The following OSBPL2 variants were observed in gnomAD, a reference collection of about 807,000 sequenced individuals.
The protein encoded by OSBPL2 is oxysterol binding protein like 2, also known as oxysterol-binding protein-related protein 2.
Under a neutral mutation model 58.4 loss-of-function variants are expected in OSBPL2, and 18 were observed. That is an observed-to-expected ratio of 0.31 (90% CI 0.21 to 0.46). The LOEUF (loss-of-function observed/expected upper bound fraction) is 0.46, where lower values mean the gene tolerates loss of function less well. Among genes scored for constraint, OSBPL2 ranks in the 20% least tolerant of loss-of-function variants. The pLI, the probability that OSBPL2 is intolerant of heterozygous loss-of-function variation, is 1.00. For synonymous variants in OSBPL2, 221 were observed against 234.1 expected, an observed-to-expected ratio of 0.94 and a Z score of 0.51; for missense variants, 461 against 616.5, an observed-to-expected ratio of 0.75 and a Z score of 2.67.
intron 2 of OSBPL2, chr20:62,258,967 G>A (rs1981116777): frequency 6.6e-6 from 1 of 152,212 alleles, no homozygotes; most frequent in African/African-American, 2.4e-5. Flanking sequence ...TGCCTTTATG[G>A]ATGGACTCTG....
chr20:62,273,608 T>G lies in OSBPL2; in HGVS notation c.491+202T>G, dbSNP rs561477260. Among the ~76,000 whole-genome samples, 12 of 152,222 alleles carry G rather than the reference T, an allele frequency of 7.9e-5. No homozygotes were observed. The South Asian group carries it at 2.5e-3, about 32-fold the overall frequency. ...GTGCTAGCGTGCCACGGCGTCTGAG[T>G]GAGTGTAAAGCGCTGGCAATGAGAT... is the stretch of plus-strand genomic sequence containing the variant. On this transcript the variant is annotated intron_variant, in intron 6 of 13. Coordinates refer to ENST00000313733, the MANE Select transcript of OSBPL2 (RefSeq NM_144498.4).
intron 6 of OSBPL2, among the ~76,000 whole-genome samples, chr20:62,273,868 G>A (rs1484484106): frequency 6.6e-6 from 1 of 152,212 alleles, no homozygotes; most frequent in African/African-American, 2.4e-5. Context: ...CCAAGGCCAC[G>A]TTTGCCACCA....
intron 4 of OSBPL2, among the ~76,000 whole-genome samples, 160 bp from the exon 5 acceptor site, chr20:62,271,965 G>A (rs1195310858): frequency 6.6e-6 from 1 of 152,200 alleles, no homozygotes; most frequent in African/African-American, 2.4e-5. Context: ...ACAGGGCAGG[G>A]CCGATGGGGC....
intron 6 of OSBPL2, among the ~76,000 whole-genome samples, chr20:62,273,797 A>C (rs1399482751): frequency 1.3e-5 from 2 of 152,210 alleles, no homozygotes; most frequent in Admixed American, 6.5e-5. Context: ...CATTTAGTGA[A>C]CGCTATTGAA....
chr20:62,261,484 T>C (rs1981303813), intron 3 of OSBPL2, among the ~76,000 whole-genome samples: 1 of 152,170 alleles, frequency 6.6e-6, no homozygotes, highest in African/African-American at 2.4e-5. Context: ...CTTCGAGCTG[T>C]AGGCCCACAC....
intron 2 of OSBPL2, among the ~76,000 whole-genome samples, chr20:62,258,688 A>C (rs188178501): frequency 6.6e-6 from 1 of 152,040 alleles, no homozygotes; most frequent in Non-Finnish European, 1.5e-5. Flanking sequence ...TTATTAGGCC[A>C]TCCATGTAGT....
In OSBPL2 at chr20:62,295,925, C is replaced by T. The variant is rs1241531682; in HGVS notation, c.*2038C>T. 1.3e-5 allele frequency: 2 copies of T among 152,206 alleles called. No individual in the cohort carries two copies. The highest frequency in any genetic ancestry group is 2.9e-5 in the Non-Finnish European group (2 of 68,042). 9.4% of individuals were successfully genotyped at this position (152,206 alleles called of 1,614,324 possible). ...CCAAGTCCTCTTCTAGGACCAGGCT[C>T]CTGGTATTTCAGGGGCTGGTTGGCT... On this transcript the variant is annotated 3_prime_UTR_variant, in exon 14 of 14. Coordinates refer to ENST00000313733, the MANE Select transcript of OSBPL2 (RefSeq NM_144498.4). The surrounding 1 kb of genome is among the most constrained non-coding windows in gnomAD (Gnocchi z 4.8).
rs760101274 is a variant in OSBPL2 at position 62,281,785 on chromosome 20, C to T, written c.783-5C>T. ...AGCAGAAACCTGTGTTTGTTTTTCT[C>T]ACAGAACTGGACATAAGTGTGTGCT... On this transcript the variant is annotated splice_polypyrimidine_tract_variant and splice_region_variant and intron_variant, in intron 8 of 13. Transcript: ENST00000313733. 2.5e-6 allele frequency: 4 copies of T among 1,596,166 alleles called. No homozygotes were observed. In the South Asian group the frequency reaches 4.4e-5, roughly 18 times the overall value.
chr20:62,238,567 C>T lies in OSBPL2; in HGVS notation c.-159C>T, dbSNP rs1036508245. ...GGGGCGGGGGCGGGGCGGCAGTGAG[C>T]TCGGCCGGCAACCGAGGGACCCGCG... On this transcript the variant is annotated 5_prime_UTR_variant, in exon 1 of 14. Coordinates refer to ENST00000313733, the MANE Select transcript of OSBPL2 (RefSeq NM_144498.4). 6.7e-6 allele frequency: 1 copy of T among 149,480 alleles called. No homozygotes were observed. The highest frequency in any genetic ancestry group is 6.6e-5 in the Admixed American group (1 of 15,054). The allele number at this position is 149,480 out of a possible 1,614,324, so 9.3% of individuals were successfully genotyped here.
chr20:62,257,024 G>A (rs191690137), intron 2 of OSBPL2, among the ~76,000 whole-genome samples: 41 of 152,388 alleles, frequency 2.7e-4, no homozygotes, highest in African/African-American at 9.9e-4. Context: ...GTCCTTAGGC[G>A]TCGGGATCAG....
intron 2 of OSBPL2, 33 bp from the exon 3 acceptor site, chr20:62,259,948 C>T: frequency 6.2e-7 from 1 of 1,601,694 alleles, no homozygotes; most frequent in Non-Finnish European, 8.5e-7. Flanking sequence ...CTTTCAGGTC[C>T]AGCGAAAATG....
chr20:62,277,791 C>T (rs1982483050), intron 6 of OSBPL2, among the ~76,000 whole-genome samples: 1 of 152,188 alleles, frequency 6.6e-6, no homozygotes, highest in Admixed American at 6.5e-5. Context: ...TTAATGACTA[C>T]AACTGTAGGT....
intron 6 of OSBPL2, among the ~76,000 whole-genome samples, chr20:62,278,002 C>G (rs1441903212): frequency 6.6e-6 from 1 of 152,134 alleles, no homozygotes; most frequent in Non-Finnish European, 1.5e-5. Flanking sequence ...AATGGGAGTC[C>G]CTCGGGGTTG....
chr20:62,248,540 C>A (rs1253765193), intron 1 of OSBPL2, among the ~76,000 whole-genome samples: 1 of 152,188 alleles, frequency 6.6e-6, no homozygotes, highest in African/African-American at 2.4e-5. Context: ...CTGTGTCCAG[C>A]ATGTCCGGGG....
rs1439576979 is a variant in OSBPL2, at chr20:62,288,609, G to C, written c.1126-598G>C. On this transcript the variant is annotated intron_variant, in intron 11 of 13. Coordinates refer to ENST00000313733, the MANE Select transcript of OSBPL2 (RefSeq NM_144498.4). The surrounding 1 kb of genome is among the most constrained non-coding windows in gnomAD (Gnocchi z 4.8). ...GAGGCTGTGGGTGCAGAGGCCGAAG[G>C]CTGTGGGTGCAGGGTGCTGCCGCAG... Among the ~76,000 whole-genome samples, 2 of 152,074 alleles carry C rather than the reference G, an allele frequency of 1.3e-5. No homozygotes were observed. The highest frequency in any genetic ancestry group is 2.9e-5 in the Non-Finnish European group (2 of 67,998).
intron 1 of OSBPL2, among the ~76,000 whole-genome samples, chr20:62,244,376 G>T (rs1028494831): frequency 6.6e-6 from 1 of 152,252 alleles, no homozygotes; most frequent in East Asian, 1.9e-4. Context: ...CAGCGGCGGC[G>T]GGTCGGGGGC....
chr20:62,275,025 G>A (rs181400316), intron 6 of OSBPL2, among the ~76,000 whole-genome samples: 33 of 152,268 alleles, frequency 2.2e-4, no homozygotes, highest in African/African-American at 7.5e-4. Context: ...CATTGAGAAA[G>A]GTAGAAAAGA....
At chr20:62,278,708 A>G (rs1358393267) in intron 6 of OSBPL2, 2 of 158,932 alleles carry the variant, frequency 1.3e-5, no homozygotes, top group Admixed American at 7.6e-5. Flanking sequence ...GTCTGTTGCC[A>G]ACATTAGGCC....
At chr20:62,283,765 T>C (rs1056980163) in intron 9 of OSBPL2, among the ~76,000 whole-genome samples, 3 of 152,258 alleles carry the variant, frequency 2.0e-5, no homozygotes, top group East Asian at 1.9e-4. Context: ...TGCAGTCCCA[T>C]GGGCCATCTC....
Sources: allele counts gnomAD v4.1 joint callset (sites outside exome capture counted in the v4.1 genomes callset), GRCh38; gene constraint gnomAD v4.1.1; non-coding constraint Gnocchi (gnomAD v3.1); transcripts MANE v1.5; gene names NCBI Gene and HGNC (gene_info 2026-07-23, HGNC 2026-07-21).